TTC31: variants seen among roughly 807,000 people sequenced by gnomAD.
TTC31 encodes the protein tetratricopeptide repeat domain 31.
In TTC31, 59 loss-of-function variants were observed where a neutral mutation model predicts 60.4. That is an observed-to-expected ratio of 0.98 (90% confidence interval 0.79 to 1.21). The LOEUF (loss-of-function observed/expected upper bound fraction) is 1.21, where lower values mean the gene tolerates loss of function less well. TTC31 is among the 50% of genes most tolerant of loss of function. The pLI is 0.00. For missense variants in TTC31, 672 were observed against 646.9 expected (o/e 1.04, Z -0.42); for synonymous variants, 225 against 249.6 (o/e 0.90, Z 0.93).
intron 2 of TTC31, among the ~76,000 whole-genome samples, chr2:74,486,295 C>T (rs561642912): frequency 1.3e-5 from 2 of 152,040 alleles, no homozygotes; most frequent in African/African-American, 4.8e-5. Context: ...CTCACTGTGT[C>T]ACACATGTTT....
At chr2:74,485,591 C>T (rs956500013) in intron 2 of TTC31, among the ~76,000 whole-genome samples, 2 of 151,658 alleles carry the variant, frequency 1.3e-5, no homozygotes, top group African/African-American at 4.8e-5. Context: ...CTGCCTCAGC[C>T]TCCCGAGTAG....
rs1006773844 is a variant in TTC31 at position 74,483,140 on chromosome 2, G to GCTA, written c.40+6_40+7insTAC. ...CTGTGGGGCGGATCAAGCTAGGTGA[G>GCTA]CGGTATGACAAGACCAGTGGGGGTC... On this transcript the variant is annotated splice_donor_region_variant and intron_variant, in intron 1 of 12. Coordinates refer to ENST00000233623, the MANE Select transcript of TTC31 (RefSeq NM_022492.6). The GCTA allele has an allele frequency of 1.9e-6, 3 of 1,614,120 alleles. No individual in the cohort carries two copies. In the Admixed American group the frequency reaches 5.0e-5, roughly 27 times the overall value.
rs1053118159 is a variant in TTC31 at position 74,493,048 on chromosome 2, T to G, written c.1390T>G (p.Ser464Ala). The stretch of plus-strand genomic sequence containing the variant: ...GTGCCCTCGAAGCACTGCTTTGAGG[T>G]CCCCTGGCCTGTCTCCACTCTTGCA... Reference protein sequence around the residue: ...LRCPRSTALRSPGLSPLLHYP... With the variant: ...LRCPRSTALRAPGLSPLLHYP... The change falls in exon 13 of 13, where the codon TCC (serine) becomes GCC (alanine). Residue 464 changes from serine to alanine, a missense_variant. Transcript: ENST00000233623. 3.1e-6 allele frequency: 5 copies of G among 1,614,008 alleles called. No individual in the cohort carries two copies. The highest frequency in any genetic ancestry group is 3.4e-6 in the Non-Finnish European group (4 of 1,179,984).
intron 2 of TTC31, among the ~76,000 whole-genome samples, chr2:74,488,524 A>C (rs1475026282): frequency 6.6e-6 from 1 of 152,218 alleles, no homozygotes; most frequent in Non-Finnish European, 1.5e-5. Flanking sequence ...AGGACCACAG[A>C]ATGTGTGGGC....
At chr2:74,487,557 T>C (rs1376349175) in intron 2 of TTC31, among the ~76,000 whole-genome samples, 1 of 152,008 alleles carries the variant, frequency 6.6e-6, no homozygotes, top group African/African-American at 2.4e-5. Flanking sequence ...TTATTTTTAA[T>C]GATGACTACA....
chr2:74,492,084 C>A, intron 9 of TTC31, 29 bp downstream of exon 9: 1 of 1,614,104 alleles, frequency 6.2e-7, no homozygotes, highest in African/African-American at 1.3e-5. Flanking sequence ...CCGTCCTCAC[C>A]CCACCCTCCC....
chr2:74,483,733 T>C (rs1672731735), intron 2 of TTC31: 5 of 634,666 alleles, frequency 7.9e-6, no homozygotes, highest in Non-Finnish European at 1.1e-5. Context: ...TCTCAACACT[T>C]TGGGAGGCTG....
At chr2:74,484,480 A>T (rs999064532) in intron 2 of TTC31, among the ~76,000 whole-genome samples, 1 of 151,272 alleles carries the variant, frequency 6.6e-6, no homozygotes, top group Non-Finnish European at 1.5e-5. Flanking sequence ...TTTTTTTAAG[A>T]TGGAGTCTCA....
chr2:74,491,194 T>C lies in TTC31; in HGVS notation c.603+10T>C, dbSNP rs554680890. The C allele has an allele frequency of 6.2e-7, 1 of 1,614,022 alleles. No homozygotes were observed. Among genetic ancestry groups the C allele is most frequent in the African/African-American group, 1.3e-5 (1 of 74,998 alleles). On this transcript the variant is annotated intron_variant, in intron 6 of 12. Coordinates refer to ENST00000233623, the MANE Select transcript of TTC31 (RefSeq NM_022492.6). ...CTGTGGGGAGCCCAAGGTGAGTATC[T>C]AGGGCAGGTACTAAGAGCACCAAGT... is the stretch of plus-strand genomic sequence containing the variant.
At chr2:74,491,057 C>T (rs372429490) in intron 5 of TTC31, 71 bp from the exon 6 acceptor site, 16 of 1,589,614 alleles carry the variant, frequency 1.0e-5, no homozygotes, top group Middle Eastern at 1.7e-4. Context: ...AGATGGAATG[C>T]GAAATCTTAG....
chr2:74,489,999 T>TCCC, intron 2 of TTC31, 26 bp from the exon 3 acceptor site: 4 of 1,367,294 alleles, frequency 2.9e-6, no homozygotes, highest in East Asian at 2.5e-5. Flanking sequence ...AACACCAGCC[T>TCCC]CCCCTCCCCT....
In TTC31 at chr2:74,490,226, C is replaced by G. The variant is rs755873992; in HGVS notation, c.233-18C>G. 2 of 1,612,764 alleles carry G rather than the reference C, an allele frequency of 1.2e-6. No individual in the cohort carries two copies. Among genetic ancestry groups the G allele is most frequent in the Non-Finnish European group, 1.7e-6 (2 of 1,178,910 alleles). On this transcript the variant is annotated intron_variant, in intron 3 of 12. Transcript: ENST00000233623. ...CTCTCATGTCCTTTCTTTCCTGTCT[C>G]TTTCTCCCTCCTGACAGATTACCTC...
At chr2:74,490,804 CTT>C (rs1673772474) in intron 5 of TTC31, 65 bp downstream of exon 5, 1 of 1,506,480 alleles carries the variant, frequency 6.6e-7, no homozygotes, top group Non-Finnish European at 9.0e-7. Flanking sequence ...AAAGAGGAAA[CTT>C]TGTGGGAACA....
chr2:74,493,278 T>C lies in TTC31; in HGVS notation c.*60T>C, dbSNP rs1252151213. ...ATATATCCCTTGGTGGGGGACATAG[T>C]GTGGTGACAGTTCACTGCATATTTT... On this transcript the variant is annotated 3_prime_UTR_variant, in exon 13 of 13. Coordinates refer to ENST00000233623, the MANE Select transcript of TTC31 (RefSeq NM_022492.6). 1.3e-6 allele frequency: 2 copies of C among 1,535,582 alleles called. No homozygotes were observed. The highest frequency in any genetic ancestry group is 1.8e-5 in the Admixed American group (1 of 56,186).
chr2:74,487,103 G>A (rs558495346), intron 2 of TTC31, among the ~76,000 whole-genome samples: 2 of 152,376 alleles, frequency 1.3e-5, no homozygotes, highest in South Asian at 4.1e-4. Flanking sequence ...TAACAAGATA[G>A]GAGAAGATTC....
chr2:74,485,692 G>A (rs1459618204), intron 2 of TTC31, among the ~76,000 whole-genome samples: 1 of 151,236 alleles, frequency 6.6e-6, no homozygotes, highest in African/African-American at 2.4e-5. Context: ...GGCTGGTCTC[G>A]ATCTCCTGAC....
intron 12 of TTC31, 56 bp downstream of exon 12, chr2:74,492,803 G>A: frequency 6.2e-7 from 1 of 1,601,642 alleles, no homozygotes; most frequent in Non-Finnish European, 8.5e-7. Context: ...GAATTGGCTG[G>A]GACTGCAATA....
chr2:74,491,221 C>T, intron 6 of TTC31, 37 bp downstream of exon 6: 2 of 1,614,018 alleles, frequency 1.2e-6, no homozygotes, highest in African/African-American at 2.7e-5. Context: ...GCACCAAGTG[C>T]CAGGAAGGTG....
chr2:74,483,125 G>C lies in TTC31; in HGVS notation c.30G>C (p.Arg10=). 6.2e-7 allele frequency: 1 copy of C among 1,614,240 alleles called. No homozygotes were observed. Among genetic ancestry groups the C allele is most frequent in the African/African-American group, 1.3e-5 (1 of 75,076 alleles). ...CGCCGATTCCAAAGACTGTGGGGCGGATCAAGCTAGGTGAGCGGTATGACA... is the reference window on the plus strand; with the variant it reads ...CGCCGATTCCAAAGACTGTGGGGCGCATCAAGCTAGGTGAGCGGTATGACA... MAPIPKTVG[R]IKLDCSLRPS... The change falls in exon 1 of 13, where the codon CGG becomes CGC. Residue 10 remains arginine, a synonymous_variant. Coordinates refer to ENST00000233623, the MANE Select transcript of TTC31 (RefSeq NM_022492.6).
Sources: allele counts gnomAD v4.1 joint callset (sites outside exome capture counted in the v4.1 genomes callset), GRCh38; gene constraint gnomAD v4.1.1; transcripts MANE v1.5; gene names NCBI Gene and HGNC (gene_info 2026-07-23, HGNC 2026-07-21).